DUSP14: variants seen among roughly 807,000 people sequenced by gnomAD.
DUSP14 encodes the protein dual specificity phosphatase 14.
A neutral mutation model predicts 13.2 loss-of-function variants in DUSP14; 5 were observed. The ratio of observed to expected loss-of-function variants is 0.38; its 90% CI spans 0.20 to 0.80. The LOEUF (loss-of-function observed/expected upper bound fraction) is 0.80, where lower values mean the gene tolerates loss of function less well. Among genes scored for constraint, DUSP14 ranks in the 30% least tolerant of loss-of-function variants. DUSP14 has a pLI of 0.44. For missense variants in DUSP14, 185 were observed against 264.0 expected, an observed-to-expected ratio of 0.70 and a Z score of 2.07; for synonymous variants, 91 against 103.4, an observed-to-expected ratio of 0.88 and a Z score of 0.73.
At chr17:37,508,982 A>G (rs562816492) in intron 1 of DUSP14, among the ~76,000 whole-genome samples, 1 of 144,906 alleles carries the variant, frequency 6.9e-6, no homozygotes, top group South Asian at 2.2e-4. Context: ...GAATGGATAA[A>G]CAGAGTGTGG....
intron 1 of DUSP14, 61 bp downstream of exon 1, chr17:37,490,019 G>C (rs1313973843): frequency 6.9e-6 from 1 of 145,862 alleles, no homozygotes; most frequent in Non-Finnish European, 1.5e-5. Context: ...TGGGGCGGGA[G>C]GGCGGGACTT....
At position 37,504,829 on chromosome 17, in the gene DUSP14, C is replaced by A. The variant is rs144063728; in HGVS notation, c.-180-5848C>A. 5.9e-5 allele frequency among the ~76,000 whole-genome samples: 9 copies of A among 152,294 alleles called. No individual in the cohort carries two copies. In the East Asian group the frequency reaches 1.7e-3, roughly 29 times the overall value. On this transcript the variant is annotated intron_variant, in intron 1 of 2. Coordinates refer to ENST00000617516, the MANE Select transcript of DUSP14 (RefSeq NM_007026.4). ...CTCTTGGGTTTAAGGAGTCCTCCTGCCGCAGCCTCCCAAAATGCTGTGATT... is the reference window on the plus strand; with the variant it reads ...CTCTTGGGTTTAAGGAGTCCTCCTGACGCAGCCTCCCAAAATGCTGTGATT...
At chr17:37,491,435 A>T (rs2054027579) in intron 1 of DUSP14, 1 of 152,148 alleles carries the variant, frequency 6.6e-6, no homozygotes, top group South Asian at 2.1e-4. Context: ...GGCTTGACAC[A>T]TGGGCCCTAT....
chr17:37,490,712 T>TTA (rs1555695876), intron 1 of DUSP14, among the ~76,000 whole-genome samples: 7 of 151,966 alleles, frequency 4.6e-5, no homozygotes, highest in Middle Eastern at 6.8e-3. Context: ...TTTTTTTTTT[T>TTA]AAAACCACCT....
At chr17:37,496,901 G>A (rs2054068830) in intron 1 of DUSP14, among the ~76,000 whole-genome samples, 1 of 122,274 alleles carries the variant, frequency 8.2e-6, no homozygotes, top group Non-Finnish European at 1.6e-5. Context: ...GGGCAACAGA[G>A]TAAGACTCTG....
chr17:37,493,539 G>T (rs768249282), intron 1 of DUSP14, among the ~76,000 whole-genome samples: 2 of 152,182 alleles, frequency 1.3e-5, no homozygotes, highest in Non-Finnish European at 2.9e-5. Flanking sequence ...TCCCTGGGTA[G>T]TCCGATCCCT....
chr17:37,489,061 G>C (rs2054007235), upstream of DUSP14, among the ~76,000 whole-genome samples: 1 of 152,216 alleles, frequency 6.6e-6, no homozygotes. Flanking sequence ...TCACCTGCCA[G>C]AGGCGGAGGG....
At position 37,489,935 on chromosome 17, in the gene DUSP14, CCCG is replaced by C. The variant is rs1296144106; in HGVS notation, c.-202_-200del. 7.1e-6 allele frequency: 1 copy of C among 140,742 alleles called. No individual in the cohort carries two copies. Among genetic ancestry groups the C allele is most frequent in the African/African-American group, 2.6e-5 (1 of 37,964 alleles). 8.7% of individuals were successfully genotyped at this position (140,742 alleles called of 1,614,324 possible). ...CAGGAGGACGGAGCCCTAACCGCAACCCGCTCCGCGCCGCGCCGCGCCGGTAGG... is the reference window on the plus strand; with the variant it reads ...CAGGAGGACGGAGCCCTAACCGCAACCTCCGCGCCGCGCCGCGCCGGTAGG... On this transcript the variant is annotated 5_prime_UTR_variant, in exon 1 of 3. Transcript: ENST00000617516.
Position 37,512,351 on chromosome 17 carries a change from A to C in DUSP14, c.79A>C (p.Ile27Leu). The change falls in exon 3 of 3, where the codon ATT (isoleucine) becomes CTT (leucine). Residue 27 changes from isoleucine (I) to leucine (L), a missense_variant. Ile to Leu is a conservative substitution (Grantham distance 5). Coordinates refer to ENST00000617516, the MANE Select transcript of DUSP14 (RefSeq NM_007026.4). The surrounding 1 kb of genome is among the most constrained non-coding windows in gnomAD (Gnocchi z 4.8). ...GATTTCCGAGGGAGACATAGGAGGC[A>C]TTGCTCAAATCACCTCCTCTCTATT... ...RMISEGDIGG[I>L]AQITSSLFLG... The C allele has an allele frequency of 6.2e-7, 1 of 1,614,104 alleles. No individual in the cohort carries two copies. The highest frequency in any genetic ancestry group is 1.1e-5 in the South Asian group (1 of 91,076).
chr17:37,509,119 A>ATGTGTGTG (rs1168635458), intron 1 of DUSP14, among the ~76,000 whole-genome samples: 3 of 21,068 alleles, frequency 1.4e-4, no homozygotes, highest in East Asian at 3.3e-3. Flanking sequence ...ATATATATAT[A>ATGTGTGTG]TATATATATA....
intron 1 of DUSP14, among the ~76,000 whole-genome samples, chr17:37,494,617 GAA>G (rs1387045569): frequency 6.6e-6 from 1 of 152,166 alleles, no homozygotes; most frequent in Non-Finnish European, 1.5e-5. Context: ...GAGAATGTGA[GAA>G]AGAGAAGGAG....
At chr17:37,506,505 C>T (rs1178089685) in intron 1 of DUSP14, among the ~76,000 whole-genome samples, 1 of 152,038 alleles carries the variant, frequency 6.6e-6, no homozygotes, top group East Asian at 1.9e-4. Context: ...CATCATCGTC[C>T]CAGAGACCAT....
At chr17:37,500,129 C>T (rs1256272431) in intron 1 of DUSP14, among the ~76,000 whole-genome samples, 2 of 152,170 alleles carry the variant, frequency 1.3e-5, no homozygotes, top group African/African-American at 2.4e-5. Flanking sequence ...TCACCCTGCT[C>T]GGAAACTCTA....
chr17:37,506,939 C>G (rs1354494493), intron 1 of DUSP14, among the ~76,000 whole-genome samples: 1 of 152,214 alleles, frequency 6.6e-6, no homozygotes, highest in Non-Finnish European at 1.5e-5. Context: ...TCCACACCCC[C>G]CCGCGTGTGT....
At chr17:37,501,950 T>G (rs540572930) in intron 1 of DUSP14, among the ~76,000 whole-genome samples, 90 of 152,338 alleles carry the variant, frequency 5.9e-4, no homozygotes, top group African/African-American at 2.0e-3. Context: ...CCAGTTTTTT[T>G]GTACCAGTTG....
chr17:37,510,987 A>G (rs1442392250), intron 2 of DUSP14, among the ~76,000 whole-genome samples: 2 of 116,814 alleles, frequency 1.7e-5, no homozygotes, highest in African/African-American at 3.6e-5. Context: ...TTAAATGTCA[A>G]TATATATATA....
chr17:37,494,235 C>T (rs955956604), intron 1 of DUSP14, among the ~76,000 whole-genome samples: 4 of 152,108 alleles, frequency 2.6e-5, no homozygotes, highest in Non-Finnish European at 5.9e-5. Context: ...CCTCGTGATC[C>T]GCCCGCCTCG....
At chr17:37,497,869 C>T (rs1053740166) in intron 1 of DUSP14, among the ~76,000 whole-genome samples, 1 of 151,952 alleles carries the variant, frequency 6.6e-6, no homozygotes, top group Non-Finnish European at 1.5e-5. Flanking sequence ...GCCTGGGCAA[C>T]GTGGCAAAAC....
intron 1 of DUSP14, among the ~76,000 whole-genome samples, chr17:37,493,472 G>A (rs565480904): frequency 2.0e-5 from 3 of 152,268 alleles, no homozygotes; most frequent in African/African-American, 7.2e-5. Flanking sequence ...GTAAGTCACT[G>A]TATTTGCTGT....
Sources: gnomAD v4.1 joint callset for allele counts (sites outside exome capture counted in the v4.1 genomes callset) on GRCh38, gnomAD v4.1.1 for gene constraint, Gnocchi (gnomAD v3.1) non-coding constraint, MANE v1.5 for transcripts, NCBI Gene and HGNC (gene_info 2026-07-23, HGNC 2026-07-21) for gene names.